Variants in SHISAL2B observed in about 807,000 individuals in gnomAD.
SHISAL2B encodes protein shisa-like-2B.
SHISAL2B carries 12 observed loss-of-function variants against 16.5 expected under a neutral mutation model. The observed-to-expected ratio is 0.73, with a 90% CI of 0.47 to 1.18. The LOEUF (loss-of-function observed/expected upper bound fraction) is 1.18. Ranked by LOEUF, SHISAL2B falls within the 50% of genes most tolerant of loss-of-function variation. The probability of loss-of-function intolerance (pLI) is 0.00; values close to 1 mark genes in which losing one functional copy is unlikely to be tolerated. For synonymous variants in SHISAL2B, 72 were observed against 75.0 expected, an observed-to-expected ratio of 0.96 and a Z score of 0.21; for missense variants, 183 against 193.6, an observed-to-expected ratio of 0.95 and a Z score of 0.33.
At chr5:64,716,308 A>G (rs1298244885) in intron 2 of SHISAL2B, among the ~76,000 whole-genome samples, 1 of 151,924 alleles carries the variant, frequency 6.6e-6, no homozygotes, top group Non-Finnish European at 1.5e-5. Context: ...TTTGCTACTC[A>G]GTTTTAAAGT....
intron 2 of SHISAL2B, among the ~76,000 whole-genome samples, chr5:64,701,958 A>G (rs1327156907): frequency 2.6e-5 from 4 of 152,176 alleles, no homozygotes; most frequent in Admixed American, 6.5e-5. Context: ...ATTATAGGAA[A>G]ATTAGGAAAT....
At chr5:64,707,515 T>C (rs1249754857) in intron 2 of SHISAL2B, among the ~76,000 whole-genome samples, 1 of 152,216 alleles carries the variant, frequency 6.6e-6, no homozygotes, top group East Asian at 1.9e-4. Flanking sequence ...TGCTATTCTA[T>C]TCAAAGCCTT....
chr5:64,696,385 C>A (rs1580519091), intron 2 of SHISAL2B, among the ~76,000 whole-genome samples: 2 of 152,126 alleles, frequency 1.3e-5, no homozygotes, highest in African/African-American at 4.8e-5. Flanking sequence ...TGAAAAAGAA[C>A]AGAATAACAG....
intron 2 of SHISAL2B, among the ~76,000 whole-genome samples, chr5:64,704,554 A>T (rs560997197): frequency 5.3e-5 from 8 of 152,342 alleles, no homozygotes; most frequent in African/African-American, 1.9e-4. Flanking sequence ...CTGACAATTA[A>T]CCTAGGAAAG....
At chr5:64,706,480 T>G (rs1347506868) in intron 2 of SHISAL2B, among the ~76,000 whole-genome samples, 4 of 152,344 alleles carry the variant, frequency 2.6e-5, no homozygotes, top group African/African-American at 4.8e-5. Context: ...GTCCCAAGAT[T>G]TATTTATTTT....
intron 1 of SHISAL2B, 109 bp downstream of exon 1, chr5:64,690,923 C>A: frequency 1.0e-6 from 1 of 1,000,094 alleles, no homozygotes; most frequent in Non-Finnish European, 1.4e-6. Flanking sequence ...CCGCTATCCG[C>A]CCTAGGTTAG....
chr5:64,713,240 G>GA (rs1448036422), intron 2 of SHISAL2B, among the ~76,000 whole-genome samples: 6 of 148,408 alleles, frequency 4.0e-5, no homozygotes, highest in South Asian at 2.2e-4. Context: ...GCCTGGTGGT[G>GA]AAAAAATCTC....
intron 2 of SHISAL2B, among the ~76,000 whole-genome samples, chr5:64,704,359 C>T (rs1463453578): frequency 6.6e-6 from 1 of 152,200 alleles, no homozygotes; most frequent in Non-Finnish European, 1.5e-5. Context: ...GTTGGCCTAC[C>T]TGTGATGAGG....
At chr5:64,703,727 A>C (rs536391264) in intron 2 of SHISAL2B, among the ~76,000 whole-genome samples, 4 of 152,362 alleles carry the variant, frequency 2.6e-5, no homozygotes, top group African/African-American at 9.6e-5. Context: ...TGGAAAAAAT[A>C]GGGTAGGAAA....
intron 1 of SHISAL2B, among the ~76,000 whole-genome samples, chr5:64,692,047 G>C (rs1741659113): frequency 6.6e-6 from 1 of 152,170 alleles, no homozygotes; most frequent in Non-Finnish European, 1.5e-5. Context: ...AAGTTTAACT[G>C]ACAAAATTGT....
chr5:64,704,325 T>G (rs576544216), intron 2 of SHISAL2B, among the ~76,000 whole-genome samples: 12 of 152,354 alleles, frequency 7.9e-5, no homozygotes, highest in African/African-American at 2.9e-4. Context: ...AAATATAAAA[T>G]TTAACTGTTA....
intron 2 of SHISAL2B, among the ~76,000 whole-genome samples, chr5:64,705,873 G>A (rs1741868876): frequency 6.6e-6 from 1 of 152,124 alleles, no homozygotes. Context: ...ATATGTGTAA[G>A]ATGGGCTGGG....
intron 2 of SHISAL2B, among the ~76,000 whole-genome samples, chr5:64,699,927 T>C (rs1420138032): frequency 6.6e-6 from 1 of 152,222 alleles, no homozygotes; most frequent in Non-Finnish European, 1.5e-5. Flanking sequence ...TAGACTCTAA[T>C]TGGACTACCC....
At chr5:64,710,785 TTC>T (rs1239719323) in intron 2 of SHISAL2B, among the ~76,000 whole-genome samples, 1 of 113,990 alleles carries the variant, frequency 8.8e-6, no homozygotes, top group East Asian at 2.5e-4. Context: ...AGGTATTTTA[TTC>T]TCTTTGAAGC....
intron 2 of SHISAL2B, among the ~76,000 whole-genome samples, chr5:64,698,363 A>G (rs1481759856): frequency 6.6e-6 from 1 of 152,172 alleles, no homozygotes; most frequent in Non-Finnish European, 1.5e-5. Context: ...TTCAATAGAG[A>G]AAACAGTCTT....
chr5:64,710,339 A>C (rs1741941011), intron 2 of SHISAL2B, among the ~76,000 whole-genome samples: 1 of 111,418 alleles, frequency 9.0e-6, no homozygotes, highest in Admixed American at 9.8e-5. Context: ...CAAAGATCAG[A>C]TAATTGTAGG....
At chr5:64,692,321 G>A (rs1741662841) in intron 1 of SHISAL2B, among the ~76,000 whole-genome samples, 1 of 152,150 alleles carries the variant, frequency 6.6e-6, no homozygotes, top group Non-Finnish European at 1.5e-5. Flanking sequence ...AGCAATAGAG[G>A]ACATAAAACC....
intron 1 of SHISAL2B, among the ~76,000 whole-genome samples, chr5:64,693,013 CT>C (rs879508270): frequency 1.6e-3 from 225 of 144,940 alleles, no homozygotes; most frequent in Middle Eastern, 3.6e-3. Context: ...ATTTCTTCTC[CT>C]TTTTTTTTTT....
chr5:64,713,645 G>T (rs1216568573), intron 2 of SHISAL2B, among the ~76,000 whole-genome samples: 1 of 119,024 alleles, frequency 8.4e-6, no homozygotes, highest in Non-Finnish European at 1.6e-5. Flanking sequence ...TTTCCAACTT[G>T]GTTCCATTCT....
Sources: allele counts gnomAD v4.1 joint callset (sites outside exome capture counted in the v4.1 genomes callset), GRCh38; gene constraint gnomAD v4.1.1; transcripts MANE v1.5; gene names NCBI Gene and HGNC (gene_info 2026-07-23, HGNC 2026-07-21).